The following ADARB2 variants were observed in gnomAD, a reference collection of about 807,000 sequenced individuals.
ADARB2 encodes inactive double-stranded RNA-specific editase B2.
Under a neutral mutation model 62.2 loss-of-function variants are expected in ADARB2, and 25 were observed. That is an observed-to-expected ratio of 0.40 (90% CI 0.29 to 0.56). The LOEUF (loss-of-function observed/expected upper bound fraction) is 0.56, where lower values mean the gene tolerates loss of function less well. Among genes scored for constraint, ADARB2 ranks in the 20% least tolerant of loss-of-function variants. The pLI, the probability that ADARB2 is intolerant of heterozygous loss-of-function variation, is 0.43. For missense variants in ADARB2, 1,071 were observed against 1,077.4 expected (o/e 0.99, Z 0.08); for synonymous variants, 572 against 500.8 (o/e 1.14, Z -1.90).
chr10:1,702,483 G>T (rs1834834236), intron 1 of ADARB2, among the ~76,000 whole-genome samples: 2 of 152,158 alleles, frequency 1.3e-5, no homozygotes, highest in African/African-American at 4.8e-5. Flanking sequence ...GGGCAGGTAG[G>T]GAATCCCGAA....
chr10:1,591,041 C>T (rs1024948643), intron 1 of ADARB2, among the ~76,000 whole-genome samples: 3 of 152,322 alleles, frequency 2.0e-5, no homozygotes, highest in Middle Eastern at 3.4e-3. Flanking sequence ...TTCTATGTGT[C>T]GATTATACCT....
intron 1 of ADARB2, among the ~76,000 whole-genome samples, chr10:1,549,653 G>A (rs762005510): frequency 1.3e-4 from 20 of 152,154 alleles, no homozygotes; most frequent in Non-Finnish European, 2.5e-4. Context: ...AAGAGAGAAC[G>A]CAATGCACTC....
rs545832082 is a variant in ADARB2, at chr10:1,487,319, G to A, written c.101-108159C>T. On this transcript the variant is annotated intron_variant, in intron 1 of 9. Transcript: ENST00000381312. ...TTCAGTTGCAAGTTATTGAAAACAA[G>A]TGAAAACAAAAAGACTAAATAAACA... 1.3e-3 allele frequency among the ~76,000 whole-genome samples: 195 copies of A among 152,358 alleles called. 2 individuals are homozygous for A. The South Asian group carries it at 0.013, about 11-fold the overall frequency.
intron 2 of ADARB2, among the ~76,000 whole-genome samples, chr10:1,367,193 C>T (rs192037682): frequency 6.6e-6 from 1 of 152,352 alleles, no homozygotes; most frequent in Admixed American, 6.5e-5. Context: ...CGCTGCCTGC[C>T]CGTTCAGCTC....
chr10:1,290,232 T>A (rs1196954771), intron 3 of ADARB2: 1 of 152,096 alleles, frequency 6.6e-6, no homozygotes, highest in Non-Finnish European at 1.5e-5. Flanking sequence ...TTCTGTCCTC[T>A]GCATGTTGTT....
chr10:1,629,794 G>T (rs141208930), intron 1 of ADARB2, among the ~76,000 whole-genome samples: 7 of 152,182 alleles, frequency 4.6e-5, no homozygotes, highest in Admixed American at 4.6e-4. Context: ...GCCTCTAGGG[G>T]TTACACAACA....
chr10:1,556,355 A>G (rs1010664737), intron 1 of ADARB2, among the ~76,000 whole-genome samples: 1 of 151,698 alleles, frequency 6.6e-6, no homozygotes, highest in Non-Finnish European at 1.5e-5. Context: ...TTGTGTAGGA[A>G]ATCTTGGATT....
intron 8 of ADARB2, among the ~76,000 whole-genome samples, chr10:1,188,676 C>T (rs1402337169): frequency 6.7e-6 from 1 of 148,360 alleles, no homozygotes; most frequent in Non-Finnish European, 1.5e-5. Context: ...CCTGAATACT[C>T]ACACAGGCAG....
chr10:1,294,986 C>T (rs573239304), intron 3 of ADARB2, among the ~76,000 whole-genome samples: 12 of 152,186 alleles, frequency 7.9e-5, no homozygotes, highest in Admixed American at 6.5e-4. Flanking sequence ...AGCTGGAGTG[C>T]GGAGTCACTG....
At chr10:1,386,993 TTAAG>T (rs1478324390) in intron 1 of ADARB2, among the ~76,000 whole-genome samples, 3 of 151,918 alleles carry the variant, frequency 2.0e-5, no homozygotes, top group Admixed American at 6.5e-5. Context: ...TACTCAGAAA[TTAAG>T]TATCACCATT....
chr10:1,698,587 G>A (rs997249373), intron 1 of ADARB2, among the ~76,000 whole-genome samples: 9 of 152,014 alleles, frequency 5.9e-5, no homozygotes, highest in African/African-American at 1.7e-4. Flanking sequence ...TATGAGAGAC[G>A]CATAGGAGTA....
intron 4 of ADARB2, among the ~76,000 whole-genome samples, chr10:1,249,584 C>T (rs993320863): frequency 2.0e-5 from 3 of 151,426 alleles, no homozygotes; most frequent in Non-Finnish European, 2.9e-5. Flanking sequence ...TCAAGTGGAA[C>T]AGAGGGATTT....
intron 1 of ADARB2, among the ~76,000 whole-genome samples, chr10:1,724,853 GA>G (rs1239293732): frequency 6.6e-6 from 1 of 152,206 alleles, no homozygotes; most frequent in African/African-American, 2.4e-5. Context: ...AATGCCTGAT[GA>G]GGGGCCACAG....
At chr10:1,301,910 A>G (rs1831576896) in intron 3 of ADARB2, among the ~76,000 whole-genome samples, 1 of 152,202 alleles carries the variant, frequency 6.6e-6, no homozygotes, top group African/African-American at 2.4e-5. Context: ...TGGTGACCTT[A>G]CAGTGACACA....
At chr10:1,444,226 C>T (rs987862150) in intron 1 of ADARB2, among the ~76,000 whole-genome samples, 4 of 150,556 alleles carry the variant, frequency 2.7e-5, no homozygotes, top group African/African-American at 7.3e-5. Context: ...ATCTATCCAT[C>T]CATCCACCCA....
chr10:1,316,192 T>C (rs1328676416), intron 3 of ADARB2, among the ~76,000 whole-genome samples: 1 of 152,256 alleles, frequency 6.6e-6, no homozygotes, highest in African/African-American at 2.4e-5. Context: ...GCCGTTTAAT[T>C]TTTGAAGCGA....
intron 1 of ADARB2, among the ~76,000 whole-genome samples, chr10:1,609,812 C>T (rs371841887): frequency 3.3e-5 from 5 of 152,328 alleles, no homozygotes; most frequent in African/African-American, 9.6e-5. Context: ...GTCATGACCA[C>T]GCGTAGCGTT....
rs369064458 is a variant in ADARB2, at chr10:1,378,904, T to C, written c.187+170A>G. ...AATTGCAGGTGTGGGTGGGGTTGCA[T>C]GGAAGATGGGGATTCTGTGGAGGAA... On this transcript the variant is annotated intron_variant, in intron 2 of 9. Coordinates refer to ENST00000381312, the MANE Select transcript of ADARB2 (RefSeq NM_018702.4). 2.2e-4 allele frequency among the ~76,000 whole-genome samples: 34 copies of C among 152,168 alleles called. No individual in the cohort carries two copies. The East Asian group carries it at 5.8e-3, about 26-fold the overall frequency.
chr10:1,657,846 G>A (rs551491412), intron 1 of ADARB2, among the ~76,000 whole-genome samples: 171 of 152,162 alleles, frequency 1.1e-3, no homozygotes, highest in African/African-American at 3.7e-3. Context: ...CTCTGTCTCT[G>A]ATTCTCTCTC....
Sources: allele counts gnomAD v4.1 joint callset (sites outside exome capture counted in the v4.1 genomes callset), GRCh38; gene constraint gnomAD v4.1.1; transcripts MANE v1.5; gene names NCBI Gene and HGNC (gene_info 2026-07-23, HGNC 2026-07-21).